Variants in TGFBR1 observed in about 807,000 individuals in gnomAD.
TGFBR1 encodes the protein transforming growth factor beta receptor 1, also known as TGF-beta receptor type-1.
TGFBR1 carries 20 observed loss-of-function variants against 55.1 expected under a neutral mutation model. That is an observed-to-expected ratio of 0.36 (90% CI 0.26 to 0.53). The LOEUF is 0.53. Among genes scored for constraint, TGFBR1 ranks in the 20% least tolerant of loss-of-function variants. The probability of loss-of-function intolerance (pLI) is 0.91; values close to 1 mark genes in which losing one functional copy is unlikely to be tolerated. For synonymous variants in TGFBR1, 220 were observed against 214.8 expected (o/e 1.02, Z -0.21); for missense variants, 385 against 617.6 (o/e 0.62, Z 3.99).
intron 1 of TGFBR1, among the ~76,000 whole-genome samples, chr9:99,124,830 C>G: frequency 6.6e-6 from 1 of 151,746 alleles, no homozygotes; most frequent in South Asian, 2.1e-4. Context: ...TAAGAAAAAC[C>G]CTTTAGTACT....
chr9:99,127,997 A>G, intron 1 of TGFBR1: 1 of 456,050 alleles, frequency 2.2e-6, no homozygotes. Context: ...AAAACTAGCA[A>G]TTCTGGTAAG....
intron 1 of TGFBR1, among the ~76,000 whole-genome samples, chr9:99,109,323 C>T (rs1826499000): frequency 6.6e-6 from 1 of 152,010 alleles, no homozygotes; most frequent in African/African-American, 2.4e-5. Context: ...TGAGTAAGTA[C>T]AGTTAATTGA....
intron 1 of TGFBR1, among the ~76,000 whole-genome samples, chr9:99,111,618 A>G (rs748475625): frequency 3.3e-5 from 5 of 152,034 alleles, no homozygotes; most frequent in Non-Finnish European, 7.4e-5. Context: ...GACAGAGTGA[A>G]ACTCCATCTC....
At chr9:99,133,716 A>G (rs1259371919) in intron 3 of TGFBR1, among the ~76,000 whole-genome samples, 1 of 152,224 alleles carries the variant, frequency 6.6e-6, no homozygotes, top group Non-Finnish European at 1.5e-5. Flanking sequence ...TTTAAATGAG[A>G]TGTACTATCC....
upstream of TGFBR1, chr9:99,104,964 T>A: frequency 5.3e-6 from 1 of 189,422 alleles, no homozygotes; most frequent in Non-Finnish European, 1.0e-5. Context: ...CGGCTGCGGA[T>A]TGGCTGCCTG....
chr9:99,138,926 T>G (rs1827524972), intron 4 of TGFBR1, among the ~76,000 whole-genome samples: 1 of 151,982 alleles, frequency 6.6e-6, no homozygotes, highest in Admixed American at 6.6e-5. Context: ...GCTTCTCGAG[T>G]AGCTGGGACT....
At chr9:99,105,349 G>C in intron 1 of TGFBR1, 47 bp downstream of exon 1, 1 of 979,888 alleles carries the variant, frequency 1.0e-6, no homozygotes, top group Non-Finnish European at 1.2e-6. Flanking sequence ...GCGCGGGCCG[G>C]ACCCGGCCTC....
chr9:99,105,402 G>A (rs2118169896), intron 1 of TGFBR1, 100 bp downstream of exon 1: 1 of 943,824 alleles, frequency 1.1e-6, no homozygotes, highest in African/African-American at 1.8e-5. Flanking sequence ...CGGGGCCGGG[G>A]GCGCAGGTGG....
chr9:99,146,780 G>C (rs1827810616), intron 7 of TGFBR1, among the ~76,000 whole-genome samples, 171 bp downstream of exon 7: 1 of 152,200 alleles, frequency 6.6e-6, no homozygotes. Flanking sequence ...ACAGTGCCAT[G>C]GTGTGCACAT....
rs79641064 is a variant in TGFBR1, at chr9:99,153,804, G to A, written c.*4499G>A. 0.021 allele frequency: 4,299 copies of A among 208,890 alleles called. 69 individuals are homozygous for A. Among genetic ancestry groups the A allele is most frequent in the Non-Finnish European group, 0.031 (3,142 of 102,448 alleles). The allele number at this position is 208,890 out of a possible 1,614,324, so 12.9% of individuals were successfully genotyped here. ...CAAGTTACAATATTATAGCGTGTTCGGGGAGTGCCCTCCTGTCTGCAGGTG... is the reference window on the plus strand; with the variant it reads ...CAAGTTACAATATTATAGCGTGTTCAGGGAGTGCCCTCCTGTCTGCAGGTG... On this transcript the variant is annotated 3_prime_UTR_variant, in exon 9 of 9. Transcript: ENST00000374994.
chr9:99,105,528 G>A (rs1289683804), intron 1 of TGFBR1, among the ~76,000 whole-genome samples: 11 of 150,956 alleles, frequency 7.3e-5, no homozygotes, highest in African/African-American at 2.7e-4. Flanking sequence ...GCGGGCGGAC[G>A]TGTCCGGCTG....
At chr9:99,146,732 G>A (rs2118830712) in intron 7 of TGFBR1, 123 bp downstream of exon 7, 3 of 1,483,212 alleles carry the variant, frequency 2.0e-6, no homozygotes, top group South Asian at 2.3e-5. Context: ...GTCACCGAGT[G>A]CCAGAGAAAA....
chr9:99,130,239 T>TG (rs1293694402), intron 2 of TGFBR1, among the ~76,000 whole-genome samples: 1 of 152,076 alleles, frequency 6.6e-6, no homozygotes, highest in African/African-American at 2.4e-5. Context: ...ACAAAGGATT[T>TG]GGGGGGTGAG....
intron 1 of TGFBR1, chr9:99,127,839 T>G (rs1827083274): frequency 7.0e-6 from 3 of 429,566 alleles, no homozygotes; most frequent in African/African-American, 6.1e-5. Context: ...ATGGTGAAAT[T>G]ATGCACACAT....
At chr9:99,147,988 C>G (rs1827854030) in intron 8 of TGFBR1, among the ~76,000 whole-genome samples, 1 of 152,140 alleles carries the variant, frequency 6.6e-6, no homozygotes, top group South Asian at 2.1e-4. Context: ...TTGCAGTGGC[C>G]TTTAGTGTAT....
intron 4 of TGFBR1, among the ~76,000 whole-genome samples, chr9:99,139,843 G>A (rs1204744238): frequency 6.6e-6 from 1 of 151,758 alleles, no homozygotes; most frequent in Admixed American, 6.6e-5. Context: ...TTCTCCTCTC[G>A]CAGCTTATTT....
intron 1 of TGFBR1, among the ~76,000 whole-genome samples, chr9:99,111,377 C>G (rs1016750602): frequency 7.1e-6 from 1 of 141,440 alleles, no homozygotes; most frequent in African/African-American, 2.7e-5. Context: ...ACCTGTAATC[C>G]CAGCACTTTG....
At position 99,150,881 on chromosome 9, in the gene TGFBR1, A is replaced by G. The variant is rs1186414345; in HGVS notation, c.*1576A>G. On this transcript the variant is annotated 3_prime_UTR_variant, in exon 9 of 9. Coordinates refer to ENST00000374994, the MANE Select transcript of TGFBR1 (RefSeq NM_004612.4). ...CTGGTTTTTACTTCCAATGCTATGA[A>G]GTCTCTGCAGGGCTTTTACAGTTTT... 4.5e-6 allele frequency: 1 copy of G among 222,308 alleles called. No individual in the cohort carries two copies. The highest frequency in any genetic ancestry group is 2.2e-5 in the African/African-American group (1 of 44,792). The allele number at this position is 222,308 out of a possible 1,614,324, so 13.8% of individuals were successfully genotyped here. A position where few individuals can be genotyped will look rare whatever the true frequency, so the allele number is the denominator to read the frequency against.
intron 1 of TGFBR1, among the ~76,000 whole-genome samples, chr9:99,125,755 A>G (rs1009773581): frequency 2.0e-5 from 3 of 152,206 alleles, no homozygotes; most frequent in Non-Finnish European, 2.9e-5. Context: ...TTGAATGTTT[A>G]TCCTTGTTTT....
Sources: gnomAD v4.1 joint callset for allele counts (sites outside exome capture counted in the v4.1 genomes callset) on GRCh38, gnomAD v4.1.1 for gene constraint, MANE v1.5 for transcripts, NCBI Gene and HGNC (gene_info 2026-07-23, HGNC 2026-07-21) for gene names.